The following PPP2R2B variants were observed in gnomAD, a reference collection of about 807,000 sequenced individuals.
The protein encoded by PPP2R2B is serine/threonine-protein phosphatase 2A 55 kDa regulatory subunit B beta isoform.
PPP2R2B carries 5 observed loss-of-function variants against 46.0 expected under a neutral mutation model. The ratio of observed to expected loss-of-function variants is 0.11; its 90% CI spans 0.06 to 0.23. The LOEUF is 0.23. Ranked by LOEUF, PPP2R2B falls within the 10% of genes least tolerant of loss-of-function variation. The pLI is 1.00. For synonymous variants in PPP2R2B, 215 were observed against 206.7 expected (o/e 1.04, Z -0.34); for missense variants, 367 against 575.0 (o/e 0.64, Z 3.70).
Position 146,871,247 on chromosome 5 carries a change from T to G in PPP2R2B, c.70+6755A>C, listed in dbSNP as rs576216967. 7.1e-4 allele frequency among the ~76,000 whole-genome samples: 108 copies of G among 152,342 alleles called. 2 individuals carry two copies. The highest frequency in any genetic ancestry group is 6.9e-3 in the Admixed American group (106 of 15,302). On this transcript the variant is annotated intron_variant, in intron 2 of 9. Transcript: ENST00000394411. ...AGCCTCAGACATCTACATATTTATGTGCAAAAGAACATCTGCCATCCCACA... is the reference window on the plus strand; with the variant it reads ...AGCCTCAGACATCTACATATTTATGGGCAAAAGAACATCTGCCATCCCACA...
At chr5:146,738,670 GA>G (rs1205901112) in intron 2 of PPP2R2B, among the ~76,000 whole-genome samples, 1 of 152,080 alleles carries the variant, frequency 6.6e-6, no homozygotes, top group Admixed American at 6.6e-5. Context: ...GTGTACCAAG[GA>G]ACCAAGAGTC....
chr5:147,021,515 G>C (rs1487019844), intron 1 of PPP2R2B, among the ~76,000 whole-genome samples: 1 of 152,164 alleles, frequency 6.6e-6, no homozygotes, highest in Non-Finnish European at 1.5e-5. Context: ...TACTGGGGAG[G>C]TATAAATTAA....
chr5:146,696,145 C>T (rs2151160390), intron 4 of PPP2R2B, among the ~76,000 whole-genome samples: 1 of 151,752 alleles, frequency 6.6e-6, no homozygotes, highest in Middle Eastern at 3.4e-3. Context: ...GCTCTGTCGC[C>T]CAGGGTAGAG....
intron 2 of PPP2R2B, chr5:146,707,025 G>A: frequency 9.5e-7 from 1 of 1,056,494 alleles, no homozygotes; most frequent in South Asian, 1.2e-5. Context: ...CATCCTTCTT[G>A]ATGAGGACAA....
intron 2 of PPP2R2B, among the ~76,000 whole-genome samples, chr5:146,803,983 C>T (rs1047537021): frequency 3.5e-4 from 53 of 152,010 alleles, no homozygotes; most frequent in Non-Finnish European, 5.0e-4. Flanking sequence ...CTGGCTAATA[C>T]GGTGAAACCC....
At chr5:146,986,995 C>T (rs1753461834) in intron 1 of PPP2R2B, among the ~76,000 whole-genome samples, 1 of 152,042 alleles carries the variant, frequency 6.6e-6, no homozygotes, top group Non-Finnish European at 1.5e-5. Context: ...AGGGAGGATC[C>T]TGAAAGCAGC....
At chr5:146,683,767 G>A (rs183570648) in intron 5 of PPP2R2B, among the ~76,000 whole-genome samples, 2 of 152,266 alleles carry the variant, frequency 1.3e-5, no homozygotes, top group Admixed American at 1.3e-4. Context: ...TTCTCGTGGA[G>A]GGCTTTCTGA....
At chr5:147,065,739 G>C (rs1757397175) in intron 2 of PPP2R2B, among the ~76,000 whole-genome samples, 1 of 152,084 alleles carries the variant, frequency 6.6e-6, no homozygotes, top group South Asian at 2.1e-4. Flanking sequence ...GAGTGTTGAA[G>C]GAAGTTAGGA....
In PPP2R2B at chr5:146,587,081, C is replaced by A. The variant is rs1398159578; in HGVS notation, c.*2866G>T. On this transcript the variant is annotated 3_prime_UTR_variant, in exon 10 of 10. Coordinates refer to ENST00000394411, the MANE Select transcript of PPP2R2B (RefSeq NM_181675.4). ...CTTGTGGGGTAAAGTAGTATAGGGC[C>A]CTTAGAATCGAACCAACTGTTGCAA... The A allele has an allele frequency of 6.6e-6, 1 of 152,070 alleles. No homozygotes were observed. Among genetic ancestry groups the A allele is most frequent in the Non-Finnish European group, 1.5e-5 (1 of 68,008 alleles). 9.4% of individuals were successfully genotyped at this position (152,070 alleles called of 1,614,324 possible). A position where few individuals can be genotyped will look rare whatever the true frequency, so the allele number is the denominator to read the frequency against.
chr5:146,646,160 T>C (rs1775566937), intron 6 of PPP2R2B, among the ~76,000 whole-genome samples: 1 of 152,236 alleles, frequency 6.6e-6, no homozygotes, highest in Non-Finnish European at 1.5e-5. Flanking sequence ...AATTTGTTTT[T>C]TCCCATTTTC....
intron 1 of PPP2R2B, among the ~76,000 whole-genome samples, chr5:146,991,297 A>G (rs1281595785): frequency 6.6e-6 from 1 of 152,180 alleles, no homozygotes; most frequent in East Asian, 1.9e-4. Context: ...CACTATTCAT[A>G]ATAGCCAAGA....
intron 2 of PPP2R2B, among the ~76,000 whole-genome samples, chr5:146,774,823 A>T (rs977629105): frequency 7.3e-4 from 111 of 152,076 alleles, no homozygotes; most frequent in Non-Finnish European, 1.4e-3. Context: ...TCTCAAAAAA[A>T]AAAAAAAAAG....
At position 146,982,139 on chromosome 5, in the gene PPP2R2B, G is replaced by T. The variant is rs138897882; in HGVS notation, c.79+73526C>A. ...GAGCTTATTTGCTCTTCTTTTGCTG[G>T]GTTCTTCAGGTAGGAACTTAAATTA... On this transcript the variant is annotated intron_variant, in intron 1 of 8. Transcript: ENST00000336640. Among the ~76,000 whole-genome samples the T allele has an allele frequency of 6.4e-3, 977 of 151,818 alleles. 11 individuals are homozygous for T. The highest frequency in any genetic ancestry group is 0.02 in the African/African-American group (832 of 41,412).
intron 2 of PPP2R2B, among the ~76,000 whole-genome samples, chr5:146,833,280 A>G (rs1759071849): frequency 6.6e-6 from 1 of 152,150 alleles, no homozygotes; most frequent in African/African-American, 2.4e-5. Flanking sequence ...GGGAATTTTT[A>G]TCTACATCCC....
intron 2 of PPP2R2B, among the ~76,000 whole-genome samples, chr5:146,809,192 A>C (rs755785924): frequency 1.3e-5 from 2 of 152,172 alleles, no homozygotes; most frequent in African/African-American, 2.4e-5. Context: ...AAAGCCTTCT[A>C]TGTGGCCGTC....
chr5:146,657,173 T>C (rs923091516), intron 5 of PPP2R2B, among the ~76,000 whole-genome samples: 1 of 151,918 alleles, frequency 6.6e-6, no homozygotes, highest in African/African-American at 2.4e-5. Context: ...AAAAAACATA[T>C]GTGAAAAGGC....
At chr5:147,005,183 G>C (rs2151872577) in intron 1 of PPP2R2B, among the ~76,000 whole-genome samples, 1 of 152,292 alleles carries the variant, frequency 6.6e-6, no homozygotes, top group Admixed American at 6.5e-5. Context: ...CCAGACTCAT[G>C]CTGCCGGATA....
chr5:146,765,859 C>T (rs552065868), intron 2 of PPP2R2B, among the ~76,000 whole-genome samples: 33 of 152,186 alleles, frequency 2.2e-4, no homozygotes, highest in Non-Finnish European at 3.8e-4. Context: ...GTCACCCTGA[C>T]ACACGTATGC....
At chr5:146,807,432 C>T (rs1478889557) in intron 2 of PPP2R2B, among the ~76,000 whole-genome samples, 1 of 152,108 alleles carries the variant, frequency 6.6e-6, no homozygotes, top group Admixed American at 6.5e-5. Context: ...CAAAGCTCAC[C>T]AACACTGCTA....
Sources: gnomAD v4.1 joint callset for allele counts (sites outside exome capture counted in the v4.1 genomes callset) on GRCh38, gnomAD v4.1.1 for gene constraint, MANE v1.5 for transcripts, NCBI Gene and HGNC (gene_info 2026-07-23, HGNC 2026-07-21) for gene names.